Variants in PIK3CB observed in about 807,000 individuals in gnomAD.
PIK3CB encodes phosphatidylinositol-4,5-bisphosphate 3-kinase catalytic subunit beta, also known as phosphatidylinositol 4,5-bisphosphate 3-kinase catalytic subunit beta isoform.
Under a neutral mutation model 136.8 loss-of-function variants are expected in PIK3CB, and 39 were observed. The observed-to-expected ratio is 0.29, with a 90% CI of 0.22 to 0.37. PIK3CB has a LOEUF of 0.37. Ranked by LOEUF, PIK3CB falls within the 10% of genes least tolerant of loss-of-function variation. The pLI is 1.00. For synonymous variants in PIK3CB, 428 were observed against 436.6 expected, an observed-to-expected ratio of 0.98 and a Z score of 0.25; for missense variants, 868 against 1,275.4, an observed-to-expected ratio of 0.68 and a Z score of 4.87.
intron 9 of PIK3CB, 143 bp downstream of exon 9, chr3:138,714,325 T>A: frequency 1.8e-6 from 1 of 555,558 alleles, no homozygotes; most frequent in South Asian, 3.0e-5. Context: ...GATATAAACA[T>A]GGAAATTTCT....
chr3:138,751,465 A>AG (rs1222745281), intron 4 of PIK3CB, among the ~76,000 whole-genome samples: 1 of 152,000 alleles, frequency 6.6e-6, no homozygotes, highest in African/African-American at 2.4e-5. Context: ...CTCAAAAAAA[A>AG]AAAAGAAATT....
At position 138,770,946 on chromosome 3, in the gene PIK3CB, G is replaced by A. The variant is rs1336099848; in HGVS notation, c.-16-11587C>T. ...AGGCTAGTCTTGAACTCCTGACATC[G>A]TGATCCACCCGCCTTAGCCTCCCAA... is the stretch of plus-strand genomic sequence containing the variant. On this transcript the variant is annotated intron_variant, in intron 2 of 23. Coordinates refer to ENST00000674063, the MANE Select transcript of PIK3CB (RefSeq NM_006219.3). Among the ~76,000 whole-genome samples, 13 of 151,826 alleles carry A rather than the reference G, an allele frequency of 8.6e-5. 1 individual carries two copies.
intron 19 of PIK3CB, among the ~76,000 whole-genome samples, chr3:138,680,116 T>C (rs763038829): frequency 3.9e-5 from 6 of 152,036 alleles, no homozygotes; most frequent in Non-Finnish European, 8.8e-5. Context: ...TTCCAGCACT[T>C]TGGGAGCCCA....
rs895605163 is a variant in PIK3CB at position 138,653,164 on chromosome 3, C to T, written c.*2225G>A. The T allele has an allele frequency of 2.2e-5, 4 of 181,596 alleles. No homozygotes were observed. Among genetic ancestry groups the T allele is most frequent in the African/African-American group, 9.4e-5 (4 of 42,478 alleles). The allele number at this position is 181,596 out of a possible 1,614,324, so 11.2% of individuals were successfully genotyped here. A position where few individuals can be genotyped will look rare whatever the true frequency, so the allele number is the denominator to read the frequency against. On this transcript the variant is annotated 3_prime_UTR_variant, in exon 24 of 24. Coordinates refer to ENST00000674063, the MANE Select transcript of PIK3CB (RefSeq NM_006219.3). ...ATATTCTGGAGATGTCAATTTGTCTCAACCTTGTCTATAGCTTAATGCAAT... is the reference window on the plus strand; with the variant it reads ...ATATTCTGGAGATGTCAATTTGTCTTAACCTTGTCTATAGCTTAATGCAAT...
chr3:138,810,009 AACACACACAT>A (rs1477091470), intron 1 of PIK3CB, among the ~76,000 whole-genome samples: 2 of 152,122 alleles, frequency 1.3e-5, no homozygotes, highest in Non-Finnish European at 2.9e-5. Flanking sequence ...AAAGTGTTCA[AACACACACAT>A]ACACACACAC....
intron 8 of PIK3CB, among the ~76,000 whole-genome samples, chr3:138,720,864 C>T (rs965183864): frequency 7.9e-5 from 12 of 151,690 alleles, no homozygotes; most frequent in African/African-American, 2.7e-4. Flanking sequence ...CAAGACCCTG[C>T]CTCATTCAGA....
intron 4 of PIK3CB, among the ~76,000 whole-genome samples, chr3:138,744,408 A>G (rs1576379273): frequency 6.9e-6 from 1 of 144,418 alleles, no homozygotes; most frequent in East Asian, 2.0e-4. Context: ...AAAAAAAAAA[A>G]AAAAAAAAAA....
intron 4 of PIK3CB, among the ~76,000 whole-genome samples, chr3:138,752,641 G>A (rs1284051283): frequency 6.6e-6 from 1 of 151,512 alleles, no homozygotes; most frequent in East Asian, 1.9e-4. Context: ...CCTGGGAGGC[G>A]GAGGTTGCAG....
At chr3:138,747,054 TTA>T (rs59299476) in intron 4 of PIK3CB, among the ~76,000 whole-genome samples, 19 of 42,230 alleles carry the variant, frequency 4.5e-4, no homozygotes, top group Non-Finnish European at 8.2e-4. Flanking sequence ...TATTCAGCCT[TTA>T]TATATATATA....
At chr3:138,698,288 T>C (rs1398723603) in intron 13 of PIK3CB, among the ~76,000 whole-genome samples, 1 of 152,202 alleles carries the variant, frequency 6.6e-6, no homozygotes, top group African/African-American at 2.4e-5. Context: ...AAAAAACCCA[T>C]TTCAAAGGTC....
intron 2 of PIK3CB, among the ~76,000 whole-genome samples, chr3:138,794,267 G>T (rs1023817974): frequency 3.9e-5 from 6 of 152,070 alleles, no homozygotes; most frequent in South Asian, 2.1e-4. Context: ...CCAGCATCTT[G>T]TGAGTTTTTA....
At chr3:138,668,084 TA>T (rs1296687839) in intron 19 of PIK3CB, among the ~76,000 whole-genome samples, 4 of 151,736 alleles carry the variant, frequency 2.6e-5, no homozygotes. Context: ...AAAATAATAA[TA>T]AAAGCACTTT....
intron 4 of PIK3CB, among the ~76,000 whole-genome samples, chr3:138,753,789 GAA>G (rs2045515996): frequency 6.6e-6 from 1 of 152,136 alleles, no homozygotes; most frequent in South Asian, 2.1e-4. Context: ...CTAGGTGACA[GAA>G]AGAGACCCTA....
chr3:138,768,873 C>G (rs1191129695), intron 2 of PIK3CB, among the ~76,000 whole-genome samples: 1 of 152,246 alleles, frequency 6.6e-6, no homozygotes, highest in Non-Finnish European at 1.5e-5. Flanking sequence ...AAAAGCCAGA[C>G]AGTGGGAGCA....
In PIK3CB at chr3:138,817,631, T is replaced by C. The variant is rs550817589; in HGVS notation, c.-122+17064A>G. Among the ~76,000 whole-genome samples, 19 of 152,230 alleles carry C rather than the reference T, an allele frequency of 1.2e-4. 1 individual carries two copies. In the South Asian group the frequency reaches 2.3e-3, roughly 18 times the overall value. ...AATACACAACCAGGTAAAGAGTCAATGCAGCAACATAAAATGTAGATGCTA... is the reference window on the plus strand; with the variant it reads ...AATACACAACCAGGTAAAGAGTCAACGCAGCAACATAAAATGTAGATGCTA... On this transcript the variant is annotated intron_variant, in intron 1 of 23. Coordinates refer to ENST00000674063, the MANE Select transcript of PIK3CB (RefSeq NM_006219.3).
intron 1 of PIK3CB, among the ~76,000 whole-genome samples, chr3:138,830,531 C>T (rs1231298828): frequency 4.6e-5 from 7 of 151,714 alleles, no homozygotes; most frequent in Admixed American, 3.3e-4. Context: ...CCAGCCTGAA[C>T]GGCAGAGCAC....
At chr3:138,701,224 A>C (rs1041738228) in intron 12 of PIK3CB, among the ~76,000 whole-genome samples, 8 of 151,908 alleles carry the variant, frequency 5.3e-5, no homozygotes, top group East Asian at 1.9e-4. Flanking sequence ...AAAAAAAAAA[A>C]AACAAAAAAC....
intron 14 of PIK3CB, among the ~76,000 whole-genome samples, chr3:138,693,936 AATATAT>A (rs1179221176): frequency 1.4e-4 from 9 of 64,618 alleles, no homozygotes; most frequent in South Asian, 6.1e-4. Flanking sequence ...ATTTGCTTAA[AATATAT>A]ATATATATAT....
In PIK3CB at chr3:138,680,335, G is replaced by T. The variant is rs368034768; in HGVS notation, c.2504+1632C>A. On this transcript the variant is annotated intron_variant, in intron 19 of 23. Coordinates refer to ENST00000674063, the MANE Select transcript of PIK3CB (RefSeq NM_006219.3). ...ATCGCACCACTGCACTCCAGCCTGG[G>T]TGACAGAGCGAGACTGTCTCAAAAA... is the stretch of plus-strand genomic sequence containing the variant. Among the ~76,000 whole-genome samples, 71 of 151,826 alleles carry T rather than the reference G, an allele frequency of 4.7e-4. 2 individuals are homozygous for T. The South Asian group carries it at 0.013, about 28-fold the overall frequency.
Sources: allele counts gnomAD v4.1 joint callset (sites outside exome capture counted in the v4.1 genomes callset), GRCh38; gene constraint gnomAD v4.1.1; transcripts MANE v1.5; gene names NCBI Gene and HGNC (gene_info 2026-07-23, HGNC 2026-07-21).